The following FRMD6 variants were observed in gnomAD, a reference collection of about 807,000 sequenced individuals.
FRMD6 encodes the protein FERM domain containing 6.
FRMD6 carries 37 observed loss-of-function variants against 73.2 expected under a neutral mutation model. That is an observed-to-expected ratio of 0.51 (90% CI 0.39 to 0.66). The LOEUF (loss-of-function observed/expected upper bound fraction) is 0.66, where lower values mean the gene tolerates loss of function less well. FRMD6 is among the 30% of genes least tolerant of loss of function. FRMD6 has a pLI of 0.00. For synonymous variants in FRMD6, 273 were observed against 282.2 expected (o/e 0.97, Z 0.33); for missense variants, 714 against 780.5 (o/e 0.91, Z 1.02).
the FRMD6 span, among the ~76,000 whole-genome samples, chr14:51,432,144 ACT>A: frequency 1.0e-2 from 1,520 of 152,274 alleles, 13 homozygotes; most frequent in Middle Eastern, 0.034. Flanking sequence ...TACAGTAATG[ACT>A]CTGTTGTTCA....
At chr14:51,623,669 CT>C (rs1432658568) in intron 2 of FRMD6, among the ~76,000 whole-genome samples, 1 of 152,208 alleles carries the variant, frequency 6.6e-6, no homozygotes, top group Non-Finnish European at 1.5e-5. Context: ...TGCTGCCCCC[CT>C]CTCACCATTC....
intron 1 of FRMD6, among the ~76,000 whole-genome samples, chr14:51,532,830 G>C (rs1419313786): frequency 6.6e-6 from 1 of 152,174 alleles, no homozygotes; most frequent in East Asian, 1.9e-4. Context: ...AACAGTAATA[G>C]TAGTAAGGAG....
At chr14:51,676,050 A>G (rs2140272104) in intron 1 of FRMD6, among the ~76,000 whole-genome samples, 1 of 152,210 alleles carries the variant, frequency 6.6e-6, no homozygotes, top group East Asian at 1.9e-4. Flanking sequence ...TAAAATATGA[A>G]CTTTCTGAAA....
chr14:51,723,618 T>TA (rs33938591), intron 12 of FRMD6, among the ~76,000 whole-genome samples: 43,070 of 150,058 alleles, frequency 0.29, 6,604 homozygotes, highest in African/African-American at 0.39. Flanking sequence ...CCATCTCTAC[T>TA]AAAATGCAAA....
At chr14:51,531,823 C>A (rs118156731) in intron 1 of FRMD6, among the ~76,000 whole-genome samples, 2,953 of 152,270 alleles carry the variant, frequency 0.019, 67 homozygotes, top group Admixed American at 0.067. Context: ...GAAATACATT[C>A]ATTTGTCAAT....
At chr14:51,476,461 TC>T in the FRMD6 span, among the ~76,000 whole-genome samples, 1 of 152,090 alleles carries the variant, frequency 6.6e-6, no homozygotes, top group Non-Finnish European at 1.5e-5. Context: ...GTAGAAACTA[TC>T]TTCACCAGTT....
chr14:51,445,642 C>T, the FRMD6 span, among the ~76,000 whole-genome samples: 7 of 152,106 alleles, frequency 4.6e-5, no homozygotes, highest in Admixed American at 2.6e-4. Context: ...TCATCAGAGA[C>T]ACCTTACAAT....
the FRMD6 span, among the ~76,000 whole-genome samples, chr14:51,477,737 C>CTTTTTTTTTTTTTTT: frequency 3.0e-5 from 4 of 134,172 alleles, no homozygotes; most frequent in Non-Finnish European, 4.8e-5. Context: ...TTTTCTTTTT[C>CTTTTTTTTTTTTTTT]TTTTTTTTTT....
At chr14:51,670,140 A>G (rs950304967) in intron 1 of FRMD6, among the ~76,000 whole-genome samples, 20 of 152,168 alleles carry the variant, frequency 1.3e-4, no homozygotes, top group Non-Finnish European at 2.6e-4. Context: ...GCAGTGCATG[A>G]TCATGGCTCA....
intron 2 of FRMD6, among the ~76,000 whole-genome samples, chr14:51,609,006 C>T (rs916214065): frequency 1.3e-5 from 2 of 152,186 alleles, no homozygotes; most frequent in Non-Finnish European, 2.9e-5. Context: ...TTTTACAGCT[C>T]TATCTTCCAA....
chr14:51,587,483 A>G (rs1437791599), intron 2 of FRMD6, among the ~76,000 whole-genome samples: 2 of 152,204 alleles, frequency 1.3e-5, no homozygotes, highest in Non-Finnish European at 2.9e-5. Flanking sequence ...ATATTAGTAT[A>G]GCTTAGTTAA....
chr14:51,421,395 C>G, the FRMD6 span, among the ~76,000 whole-genome samples: 1 of 152,162 alleles, frequency 6.6e-6, no homozygotes, highest in Non-Finnish European at 1.5e-5. Context: ...GCCAAGACTT[C>G]ATTAAGGGTG....
intron 1 of FRMD6, among the ~76,000 whole-genome samples, chr14:51,553,032 T>C (rs1596585426): frequency 6.6e-6 from 1 of 152,330 alleles, no homozygotes. Flanking sequence ...ACCTGTGACC[T>C]GGCACAGTGA....
intron 1 of FRMD6, among the ~76,000 whole-genome samples, chr14:51,549,688 C>A (rs201325182): frequency 1.1e-5 from 1 of 94,834 alleles, no homozygotes; most frequent in Non-Finnish European, 2.3e-5. Context: ...CTCCGCCCCC[C>A]AGGTTCACGC....
chr14:51,530,141 T>C (rs1596545159), intron 1 of FRMD6, among the ~76,000 whole-genome samples: 1 of 152,352 alleles, frequency 6.6e-6, no homozygotes, highest in East Asian at 1.9e-4. Flanking sequence ...AATACTCAGT[T>C]AATCATTTCT....
chr14:51,729,630 A>G lies in FRMD6; in HGVS notation c.*1601A>G, dbSNP rs1465531075. 6.6e-6 allele frequency: 1 copy of G among 152,652 alleles called. No individual in the cohort carries two copies. Among genetic ancestry groups the G allele is most frequent in the Non-Finnish European group, 1.5e-5 (1 of 68,028 alleles). The allele number at this position is 152,652 out of a possible 1,614,324, so 9.5% of individuals were successfully genotyped here. On this transcript the variant is annotated 3_prime_UTR_variant, in exon 14 of 14. Transcript: ENST00000344768. Reference sequence around the variant, plus strand: ...TATTATTTTCTAAAGAAACAATCATATTTTTATACAAAATTATGTTTTCAG... The same window carrying G: ...TATTATTTTCTAAAGAAACAATCATGTTTTTATACAAAATTATGTTTTCAG...
intron 1 of FRMD6, among the ~76,000 whole-genome samples, chr14:51,552,644 TC>T (rs1886906115): frequency 6.6e-6 from 1 of 152,236 alleles, no homozygotes; most frequent in African/African-American, 2.4e-5. Flanking sequence ...TTGTTTTCTT[TC>T]TTCAGGAGAA....
At chr14:51,604,257 A>G (rs1033940052) in intron 2 of FRMD6, among the ~76,000 whole-genome samples, 3 of 152,216 alleles carry the variant, frequency 2.0e-5, no homozygotes, top group African/African-American at 7.2e-5. Flanking sequence ...CCATTGCGTG[A>G]AAAGCACCGG....
At chr14:51,526,138 A>G (rs938922080) in intron 1 of FRMD6, among the ~76,000 whole-genome samples, 1 of 152,152 alleles carries the variant, frequency 6.6e-6, no homozygotes, top group South Asian at 2.1e-4. Flanking sequence ...CTTGATAGGG[A>G]CTATGCTCTG....
Sources: gnomAD v4.1 joint callset for allele counts (sites outside exome capture counted in the v4.1 genomes callset) on GRCh38, gnomAD v4.1.1 for gene constraint, MANE v1.5 for transcripts, NCBI Gene and HGNC (gene_info 2026-07-23, HGNC 2026-07-21) for gene names.